The following PCDHGB1 variants were observed in gnomAD, a reference collection of about 807,000 sequenced individuals.
The protein encoded by PCDHGB1 is protocadherin gamma subfamily B, 1, also known as protocadherin gamma-B1.
A neutral mutation model predicts 56.6 loss-of-function variants in PCDHGB1; 34 were observed. The ratio of observed to expected loss-of-function variants is 0.60; its 90% CI spans 0.46 to 0.80. The LOEUF (loss-of-function observed/expected upper bound fraction) is 0.80, where lower values mean the gene tolerates loss of function less well. Among genes scored for constraint, PCDHGB1 ranks in the 30% least tolerant of loss-of-function variants. PCDHGB1 has a pLI of 0.00. For synonymous variants in PCDHGB1, 561 were observed against 505.9 expected (o/e 1.11, Z -1.46); for missense variants, 1,278 against 1,204.6 (o/e 1.06, Z -0.90).
intron 1 of PCDHGB1, chr5:141,484,969 G>A: frequency 3.4e-6 from 2 of 584,588 alleles, no homozygotes; most frequent in Admixed American, 3.2e-5. Flanking sequence ...CCCGGGAGCC[G>A]CTGTCTGCCA....
intron 1 of PCDHGB1, chr5:141,383,733 A>G (rs770047743): frequency 6.8e-6 from 11 of 1,613,886 alleles, no homozygotes; most frequent in South Asian, 6.6e-5. Flanking sequence ...GGGAAGTGAC[A>G]TATTCTTTTC....
intron 1 of PCDHGB1, chr5:141,400,024 G>C (rs2093943300): frequency 6.2e-7 from 1 of 1,612,894 alleles, no homozygotes; most frequent in Non-Finnish European, 8.5e-7. Flanking sequence ...CGACAGGGAC[G>C]CGGCCCGCCA....
intron 1 of PCDHGB1, among the ~76,000 whole-genome samples, chr5:141,436,713 G>C (rs2097842329): frequency 6.6e-6 from 1 of 152,308 alleles, no homozygotes; most frequent in East Asian, 1.9e-4. Flanking sequence ...TCGATGTTCT[G>C]TTGGGAAAAA....
chr5:141,398,829 C>G (rs1020690994), intron 1 of PCDHGB1: 2 of 1,613,876 alleles, frequency 1.2e-6, no homozygotes, highest in African/African-American at 1.3e-5. Context: ...AGGTAACCGA[C>G]GCCAATGATA....
At chr5:141,389,988 C>G in intron 1 of PCDHGB1, 1 of 1,614,036 alleles carries the variant, frequency 6.2e-7, no homozygotes, top group South Asian at 1.1e-5. Context: ...AGTGCTCTTC[C>G]TCGTGGCCAT....
chr5:141,394,966 G>T (rs758463890), intron 1 of PCDHGB1: 3 of 1,613,886 alleles, frequency 1.9e-6, no homozygotes, highest in Middle Eastern at 1.6e-4. Flanking sequence ...AGGCTGAGGC[G>T]CTGGCACAAG....
rs148589854 is a variant in PCDHGB1, at chr5:141,393,112, C to T, written c.2409+40443C>T. ...CGGGAGGAGCTCTGCGCTCAGAGCC[C>T]GCGGTGTCTGATAAATATTAACACC... On this transcript the variant is annotated intron_variant, in intron 1 of 3. Transcript: ENST00000523390. 5.0e-3 allele frequency: 7,989 copies of T among 1,613,452 alleles called. 48 individuals carry two copies. The highest frequency in any genetic ancestry group is 9.4e-3 in the Admixed American group (566 of 60,028).
intron 1 of PCDHGB1, chr5:141,378,750 G>T (rs1388712170): frequency 1.3e-5 from 2 of 152,084 alleles, no homozygotes; most frequent in African/African-American, 4.8e-5. Flanking sequence ...CAAGAAAAAA[G>T]GGATTATCAT....
chr5:141,393,896 T>C lies in PCDHGB1; in HGVS notation c.2409+41227T>C, dbSNP rs754023896. 3.1e-6 allele frequency: 5 copies of C among 1,613,942 alleles called. No homozygotes were observed. In the East Asian group the frequency reaches 1.1e-4, roughly 36 times the overall value. On this transcript the variant is annotated intron_variant, in intron 1 of 3. Coordinates refer to ENST00000523390, the MANE Select transcript of PCDHGB1 (RefSeq NM_018922.3). Reference sequence around the variant, plus strand: ...TTAGCCCAGTGTTAGAAAATTCTCTTCCCGGGACAGTAATTGCCTTCTTGA... The same window carrying C: ...TTAGCCCAGTGTTAGAAAATTCTCTCCCCGGGACAGTAATTGCCTTCTTGA...
chr5:141,459,580 G>C (rs1364413383), intron 1 of PCDHGB1, among the ~76,000 whole-genome samples: 1 of 152,118 alleles, frequency 6.6e-6, no homozygotes, highest in Non-Finnish European at 1.5e-5. Flanking sequence ...GAATTGTTTT[G>C]GGGGTCATAT....
At chr5:141,389,296 A>C in intron 1 of PCDHGB1, 1 of 1,613,988 alleles carries the variant, frequency 6.2e-7, no homozygotes, top group African/African-American at 1.3e-5. Context: ...TCTATTTCAC[A>C]AGTCAGGGCT....
intron 1 of PCDHGB1, chr5:141,408,201 C>A: frequency 6.5e-7 from 1 of 1,549,032 alleles, no homozygotes; most frequent in Non-Finnish European, 8.7e-7. Context: ...CCCGAGCGAA[C>A]GATGGGAGGG....
At position 141,357,420 on chromosome 5, in the gene PCDHGB1, T is replaced by C. The variant is rs754113080; in HGVS notation, c.2409+4751T>C. ...TGGCAGGTGTGCCTGCCTCGCACTT[T>C]GTGGGCGTGGACGGGGTTCGGGCTT... On this transcript the variant is annotated intron_variant, in intron 1 of 3. Transcript: ENST00000523390. 1.5e-5 allele frequency: 25 copies of C among 1,614,132 alleles called. No homozygotes were observed. In the East Asian group the frequency reaches 3.8e-4, roughly 24 times the overall value.
At chr5:141,422,302 G>A (rs749870505) in intron 1 of PCDHGB1, 2 of 1,549,012 alleles carry the variant, frequency 1.3e-6, no homozygotes, top group Admixed American at 4.3e-5. Flanking sequence ...TTCAATTCTG[G>A]AAAACTCTCC....
intron 1 of PCDHGB1, among the ~76,000 whole-genome samples, chr5:141,434,703 G>C (rs1198306104): frequency 6.6e-6 from 1 of 151,730 alleles, no homozygotes; most frequent in Non-Finnish European, 1.5e-5. Context: ...TAAATATGTG[G>C]GTAAATCTCT....
At position 141,485,656 on chromosome 5, in the gene PCDHGB1, T is replaced by C. The variant is rs147216126; in HGVS notation, c.2410-9151T>C. On this transcript the variant is annotated intron_variant, in intron 1 of 3. Coordinates refer to ENST00000523390, the MANE Select transcript of PCDHGB1 (RefSeq NM_018922.3). This position sits in a 1 kb window ranked among gnomAD's most constrained non-coding sequence, Gnocchi z 5.7. ...CGTTGGAAAAGGCTCAGGATGCAGA[T>C]GTGGGGAGCAATTCGATTAGCAGCT... 23 of 1,612,648 alleles carry C rather than the reference T, an allele frequency of 1.4e-5. No homozygotes were observed. The African/African-American group carries it at 2.8e-4, about 20-fold the overall frequency.
rs534356534 is a variant in PCDHGB1 at position 141,432,344 on chromosome 5, C to G, written c.2410-62463C>G. ...CGACTACGAGCAGTTCCGAGACTTG[C>G]AAGTGAAAGTGATGGCGCGGGACAA... is the stretch of plus-strand genomic sequence containing the variant. On this transcript the variant is annotated intron_variant, in intron 1 of 3. Coordinates refer to ENST00000523390, the MANE Select transcript of PCDHGB1 (RefSeq NM_018922.3). This position sits in a 1 kb window ranked among gnomAD's most constrained non-coding sequence, Gnocchi z 6.0. 1.9e-5 allele frequency: 30 copies of G among 1,614,238 alleles called. No individual in the cohort carries two copies. In the East Asian group the frequency reaches 2.5e-4, roughly 13 times the overall value.
At chr5:141,374,833 T>C in intron 1 of PCDHGB1, 7 of 1,613,930 alleles carry the variant, frequency 4.3e-6, no homozygotes, top group Non-Finnish European at 5.9e-6. Flanking sequence ...ACCGTGTAAG[T>C]GTTCCTGAAA....
chr5:141,485,814 CT>C lies in PCDHGB1; in HGVS notation c.2410-8992del, dbSNP rs2099619658. On this transcript the variant is annotated intron_variant, in intron 1 of 3. Transcript: ENST00000523390. The surrounding 1 kb of genome is among the most constrained non-coding windows in gnomAD (Gnocchi z 5.7). ...TCGGACTACCGCCTGGTGCTGACTGCTGTCGATGGAGGGAACCCGCCGAGAT... is the reference window on the plus strand; with the variant it reads ...TCGGACTACCGCCTGGTGCTGACTGCGTCGATGGAGGGAACCCGCCGAGAT... The C allele has an allele frequency of 6.2e-7, 1 of 1,613,864 alleles. No individual in the cohort carries two copies. Among genetic ancestry groups the C allele is most frequent in the Non-Finnish European group, 8.5e-7 (1 of 1,179,990 alleles).
Sources: allele counts gnomAD v4.1 joint callset (sites outside exome capture counted in the v4.1 genomes callset), GRCh38; gene constraint gnomAD v4.1.1; non-coding constraint Gnocchi (gnomAD v3.1); transcripts MANE v1.5; gene names NCBI Gene and HGNC (gene_info 2026-07-23, HGNC 2026-07-21).